HS6ST1: variants seen among roughly 807,000 people sequenced by gnomAD.
The protein encoded by HS6ST1 is heparan sulfate 6-O-sulfotransferase 1.
A neutral mutation model predicts 25.2 loss-of-function variants in HS6ST1; 3 were observed. The ratio of observed to expected loss-of-function variants is 0.12; its 90% CI spans 0.05 to 0.31. HS6ST1 has a LOEUF of 0.31. Ranked by LOEUF, HS6ST1 falls within the 10% of genes least tolerant of loss-of-function variation. HS6ST1 has a pLI of 1.00. For missense variants in HS6ST1, 310 were observed against 609.6 expected (o/e 0.51, Z 5.18); for synonymous variants, 204 against 275.1 (o/e 0.74, Z 2.56).
intron 1 of HS6ST1, among the ~76,000 whole-genome samples, chr2:128,285,523 C>A (rs181407507): frequency 1.3e-5 from 2 of 152,344 alleles, no homozygotes; most frequent in East Asian, 3.9e-4. Context: ...TACGGCCCAG[C>A]TCTGCTACCC....
chr2:128,275,906 C>G (rs994441459), intron 1 of HS6ST1, among the ~76,000 whole-genome samples: 1 of 152,182 alleles, frequency 6.6e-6, no homozygotes, highest in Non-Finnish European at 1.5e-5. Context: ...CTTCTGGTAA[C>G]AGTGCCAAAT....
At chr2:128,279,093 G>T (rs546730141) in intron 1 of HS6ST1, among the ~76,000 whole-genome samples, 1 of 152,074 alleles carries the variant, frequency 6.6e-6, no homozygotes, top group Non-Finnish European at 1.5e-5. Context: ...GGGGCCGGCC[G>T]CACCAGTCCT....
chr2:128,314,922 A>G (rs529957322), intron 1 of HS6ST1, among the ~76,000 whole-genome samples: 132 of 152,322 alleles, frequency 8.7e-4, no homozygotes, highest in African/African-American at 3.2e-3. Context: ...CGTTGCCTTC[A>G]GGCAGACGGG....
chr2:128,279,997 G>A (rs1451611504), intron 1 of HS6ST1, among the ~76,000 whole-genome samples: 3 of 152,130 alleles, frequency 2.0e-5, no homozygotes, highest in African/African-American at 7.2e-5. Context: ...AAAGCGACCG[G>A]GCCTCACTGA....
At chr2:128,313,498 C>A (rs182928487) in intron 1 of HS6ST1, among the ~76,000 whole-genome samples, 6 of 152,208 alleles carry the variant, frequency 3.9e-5, no homozygotes, top group Admixed American at 3.9e-4. Context: ...TCCTTTTCTC[C>A]CTCTGCCTCA....
intron 1 of HS6ST1, among the ~76,000 whole-genome samples, chr2:128,271,762 G>A (rs1693612881): frequency 6.6e-6 from 1 of 152,232 alleles, no homozygotes; most frequent in African/African-American, 2.4e-5. Context: ...TGCAGTGACG[G>A]GTGGGCACGA....
intron 1 of HS6ST1, among the ~76,000 whole-genome samples, chr2:128,309,939 C>A (rs1045049814): frequency 1.8e-4 from 28 of 152,252 alleles, no homozygotes; most frequent in African/African-American, 6.0e-4. Context: ...AGGGATCATG[C>A]GGTCACCACG....
At chr2:128,307,860 G>A (rs987480864) in intron 1 of HS6ST1, among the ~76,000 whole-genome samples, 2 of 152,282 alleles carry the variant, frequency 1.3e-5, no homozygotes, top group East Asian at 3.9e-4. Flanking sequence ...AGCGAGCACC[G>A]TGGCCGCACC....
chr2:128,312,685 G>A (rs1228060291), intron 1 of HS6ST1, among the ~76,000 whole-genome samples: 1 of 152,208 alleles, frequency 6.6e-6, no homozygotes, highest in African/African-American at 2.4e-5. Context: ...CCACCCCAAG[G>A]GTGTACTCAT....
At chr2:128,272,325 C>A (rs1234371876) in intron 1 of HS6ST1, among the ~76,000 whole-genome samples, 1 of 152,210 alleles carries the variant, frequency 6.6e-6, no homozygotes, top group Non-Finnish European at 1.5e-5. Flanking sequence ...GAGTGACCGC[C>A]CCTTGGTCAG....
chr2:128,266,555 G>A lies in HS6ST1; in HGVS notation c.*1607C>T, dbSNP rs1336256867. Reference sequence around the variant, plus strand: ...CACCTGACCCCAGCTTCGGCTTCCTGTGCTGCAGAAGGCGCTTGCTCCCAA... The same window carrying A: ...CACCTGACCCCAGCTTCGGCTTCCTATGCTGCAGAAGGCGCTTGCTCCCAA... On this transcript the variant is annotated 3_prime_UTR_variant, in exon 2 of 2. Coordinates refer to ENST00000259241, the MANE Select transcript of HS6ST1 (RefSeq NM_004807.3). The A allele has an allele frequency of 6.6e-6, 1 of 152,354 alleles. No homozygotes were observed. Among genetic ancestry groups the A allele is most frequent in the African/African-American group, 2.4e-5 (1 of 41,462 alleles). The allele number at this position is 152,354 out of a possible 1,614,324, so 9.4% of individuals were successfully genotyped here.
intron 1 of HS6ST1, among the ~76,000 whole-genome samples, chr2:128,273,218 C>A (rs760877590): frequency 1.3e-5 from 2 of 152,220 alleles, no homozygotes; most frequent in Non-Finnish European, 2.9e-5. Flanking sequence ...CTGACCGAGG[C>A]CCCTGCCCTA....
intron 1 of HS6ST1, among the ~76,000 whole-genome samples, chr2:128,314,747 G>A (rs999320547): frequency 6.6e-6 from 1 of 152,208 alleles, no homozygotes; most frequent in East Asian, 1.9e-4. Context: ...CTCCAGAGAG[G>A]CCCTGGTGCA....
intron 1 of HS6ST1, among the ~76,000 whole-genome samples, chr2:128,300,103 C>A (rs948400753): frequency 2.0e-5 from 3 of 152,182 alleles, no homozygotes; most frequent in Admixed American, 6.5e-5. Context: ...AGGACCCCAG[C>A]GGCTTCCTCT....
chr2:128,302,854 G>A (rs919574634), intron 1 of HS6ST1, among the ~76,000 whole-genome samples: 1 of 152,174 alleles, frequency 6.6e-6, no homozygotes, highest in African/African-American at 2.4e-5. Context: ...GAAGACAGCC[G>A]GCCAGTTCCC....
intron 1 of HS6ST1, among the ~76,000 whole-genome samples, chr2:128,287,725 C>T (rs1693886292): frequency 6.6e-6 from 1 of 152,212 alleles, no homozygotes; most frequent in South Asian, 2.1e-4. Context: ...AGCCCGGGCC[C>T]AGATGCTGCT....
chr2:128,309,137 G>A (rs1260316671), intron 1 of HS6ST1, among the ~76,000 whole-genome samples: 5 of 152,164 alleles, frequency 3.3e-5, no homozygotes, highest in African/African-American at 9.7e-5. Context: ...GTATGGTCCC[G>A]GGGTTTCCCA....
chr2:128,291,365 C>T (rs66894912), intron 1 of HS6ST1, among the ~76,000 whole-genome samples: 12,281 of 152,292 alleles, frequency 0.081, 688 homozygotes, highest in South Asian at 0.13. Flanking sequence ...TGTGGGTTTG[C>T]GCTCAGTGAG....
chr2:128,300,529 G>T (rs961773581), intron 1 of HS6ST1, among the ~76,000 whole-genome samples: 3 of 152,204 alleles, frequency 2.0e-5, no homozygotes, highest in African/African-American at 7.2e-5. Flanking sequence ...GGGCCCTGAA[G>T]CTGAGCAGCT....
Sources: allele counts gnomAD v4.1 joint callset (sites outside exome capture counted in the v4.1 genomes callset), GRCh38; gene constraint gnomAD v4.1.1; transcripts MANE v1.5; gene names NCBI Gene and HGNC (gene_info 2026-07-23, HGNC 2026-07-21).